Variants in GPHN observed in about 807,000 individuals in gnomAD.
GPHN encodes the protein gephyrin.
In GPHN, 17 loss-of-function variants were observed where a neutral mutation model predicts 95.5. That is an observed-to-expected ratio of 0.18 (90% confidence interval 0.12 to 0.27). The LOEUF is 0.27. Among genes scored for constraint, GPHN ranks in the 10% least tolerant of loss-of-function variants. The pLI is 1.00. For missense variants in GPHN, 660 were observed against 978.1 expected (o/e 0.67, Z 4.34); for synonymous variants, 320 against 322.5 (o/e 0.99, Z 0.08).
At chr14:66,840,339 C>T (rs185225711) in intron 4 of GPHN, among the ~76,000 whole-genome samples, 1 of 151,948 alleles carries the variant, frequency 6.6e-6, no homozygotes, top group Admixed American at 6.6e-5. Context: ...AGTATACATT[C>T]CCCCAAACAT....
chr14:67,205,235 A>T, the GPHN span: 1 of 794,184 alleles, frequency 1.3e-6, no homozygotes, highest in East Asian at 2.8e-5. Flanking sequence ...AGTGAGATTA[A>T]ATCTCTGAAC....
chr14:66,806,494 C>T (rs1595964595), intron 3 of GPHN, among the ~76,000 whole-genome samples: 2 of 152,276 alleles, frequency 1.3e-5, no homozygotes, highest in Middle Eastern at 6.8e-3. Flanking sequence ...ATTGCATTGT[C>T]AGGCTGCAAA....
intron 10 of GPHN, among the ~76,000 whole-genome samples, chr14:67,040,589 G>A (rs1004137647): frequency 7.9e-5 from 12 of 152,194 alleles, no homozygotes; most frequent in South Asian, 2.1e-4. Context: ...AGAATCATGC[G>A]TTACATTTAG....
At chr14:67,086,011 T>C (rs1266245252) in intron 11 of GPHN, among the ~76,000 whole-genome samples, 5 of 152,220 alleles carry the variant, frequency 3.3e-5, no homozygotes, top group Non-Finnish European at 4.4e-5. Context: ...GTCCTCAAGA[T>C]TCATCCATGT....
At chr14:66,950,523 A>G (rs1387228734) in intron 8 of GPHN, among the ~76,000 whole-genome samples, 2 of 152,162 alleles carry the variant, frequency 1.3e-5, no homozygotes, top group Non-Finnish European at 2.9e-5. Context: ...TATTCCTTCT[A>G]TCTCAAAGAA....
intron 11 of GPHN, among the ~76,000 whole-genome samples, chr14:67,073,573 C>A (rs1360931541): frequency 6.6e-6 from 1 of 152,020 alleles, no homozygotes; most frequent in Non-Finnish European, 1.5e-5. Context: ...ATATATGTAA[C>A]ACAGATGGAA....
At chr14:66,706,953 A>G (rs1349520316) in intron 2 of GPHN, among the ~76,000 whole-genome samples, 1 of 152,176 alleles carries the variant, frequency 6.6e-6, no homozygotes, top group African/African-American at 2.4e-5. Context: ...AAGGAATTTA[A>G]ACAGATTTAC....
At chr14:66,761,549 G>T (rs1408168580) in intron 2 of GPHN, among the ~76,000 whole-genome samples, 1 of 151,988 alleles carries the variant, frequency 6.6e-6, no homozygotes, top group African/African-American at 2.4e-5. Flanking sequence ...GCTTTGACCT[G>T]GTTTAACCCT....
chr14:67,134,955 T>TC (rs1417755963), intron 17 of GPHN, among the ~76,000 whole-genome samples: 57 of 108,944 alleles, frequency 5.2e-4, no homozygotes, highest in Non-Finnish European at 7.4e-4. Flanking sequence ...TCTTTCTTCT[T>TC]TTTTTTTTTT....
chr14:66,881,540 A>C (rs2063930766), intron 5 of GPHN, among the ~76,000 whole-genome samples: 1 of 151,908 alleles, frequency 6.6e-6, no homozygotes. Context: ...ATTAAGCATT[A>C]GGGATCCTAA....
the GPHN span, among the ~76,000 whole-genome samples, chr14:67,414,211 A>T: frequency 5.3e-5 from 8 of 152,162 alleles, no homozygotes; most frequent in African/African-American, 1.9e-4. Flanking sequence ...TGGGAAAGAG[A>T]TGGATACCTT....
intron 4 of GPHN, among the ~76,000 whole-genome samples, chr14:66,835,129 A>G (rs1252528241): frequency 2.6e-5 from 4 of 150,944 alleles, no homozygotes; most frequent in African/African-American, 9.8e-5. Context: ...TATTGTGTCT[A>G]TTTGATTCTT....
chr14:66,792,102 G>A (rs1566949580), intron 3 of GPHN, among the ~76,000 whole-genome samples: 1 of 152,118 alleles, frequency 6.6e-6, no homozygotes, highest in African/African-American at 2.4e-5. Flanking sequence ...ACCTGGCGCT[G>A]CCCATGACAC....
chr14:66,688,286 T>C (rs1010054589), intron 2 of GPHN, among the ~76,000 whole-genome samples: 1 of 152,150 alleles, frequency 6.6e-6, no homozygotes, highest in Non-Finnish European at 1.5e-5. Context: ...GGAGTTGGTT[T>C]TGCTGTCTCA....
At chr14:67,316,574 T>TTTAAAA in the GPHN span, among the ~76,000 whole-genome samples, 1 of 152,160 alleles carries the variant, frequency 6.6e-6, no homozygotes, top group East Asian at 1.9e-4. Flanking sequence ...TTTAAAAAGT[T>TTTAAAA]GAACTATTAA....
chr14:66,839,118 G>A (rs1029594631), intron 4 of GPHN, among the ~76,000 whole-genome samples: 5 of 152,166 alleles, frequency 3.3e-5, no homozygotes, highest in African/African-American at 1.2e-4. Flanking sequence ...ATGAGAATTA[G>A]CAGAAAGGAT....
intron 13 of GPHN, among the ~76,000 whole-genome samples, chr14:67,106,950 G>C (rs1432479903): frequency 6.6e-6 from 1 of 151,948 alleles, no homozygotes; most frequent in Non-Finnish European, 1.5e-5. Context: ...GCTTCTTTCA[G>C]ACTTTCTGGG....
chr14:67,383,867 G>A, the GPHN span: 1 of 227,038 alleles, frequency 4.4e-6, no homozygotes. Flanking sequence ...TTAACTATAG[G>A]CTTCTTCCTT....
At chr14:67,591,100 GATACAA>G in the GPHN span, among the ~76,000 whole-genome samples, 5 of 151,918 alleles carry the variant, frequency 3.3e-5, no homozygotes. Context: ...TATAAAAATA[GATACAA>G]ATACATAATA....
Sources: gnomAD v4.1 joint callset for allele counts (sites outside exome capture counted in the v4.1 genomes callset) on GRCh38, gnomAD v4.1.1 for gene constraint, MANE v1.5 for transcripts, NCBI Gene and HGNC (gene_info 2026-07-23, HGNC 2026-07-21) for gene names.